The following CDKL5 variants were observed in gnomAD, a reference collection of about 807,000 sequenced individuals.
The protein encoded by CDKL5 is cyclin-dependent kinase-like 5.
In CDKL5, 8 loss-of-function variants were observed where a neutral mutation model predicts 61.7. The ratio of observed to expected loss-of-function variants is 0.13; its 90% CI spans 0.08 to 0.23. The LOEUF is 0.23. Among genes scored for constraint, CDKL5 ranks in the 10% least tolerant of loss-of-function variants. The pLI, the probability that CDKL5 is intolerant of heterozygous loss-of-function variation, is 1.00. For missense variants in CDKL5, 440 were observed against 734.5 expected (o/e 0.60, Z 4.63); for synonymous variants, 275 against 272.3 (o/e 1.01, Z -0.10).
At chrX:18,610,558 GCA>G (rs1412394248) in intron 14 of CDKL5, among the ~76,000 whole-genome samples, 2 of 112,314 alleles carry the variant, frequency 1.8e-5, no homozygotes, top group East Asian at 5.6e-4. Context: ...ACACTGCCTC[GCA>G]CAGTTTCATA....
At chrX:18,586,164 T>A (rs779118380) in intron 8 of CDKL5, among the ~76,000 whole-genome samples, 1 of 111,923 alleles carries the variant, frequency 8.9e-6, no homozygotes, top group South Asian at 3.7e-4. Flanking sequence ...TCTTCCATTG[T>A]GTAGGCAGAG....
Position 18,632,776 on chromosome X carries a change from T to C in CDKL5, c.*4019T>C. On this transcript the variant is annotated 3_prime_UTR_variant, in exon 18 of 18. Coordinates refer to ENST00000623535, the MANE Select transcript of CDKL5 (RefSeq NM_001323289.2). ...AGCATGTTCCTAATCTGAGAATTAG[T>C]GGACTATACTAGGAAATGCTATCCC... The C allele has an allele frequency of 1.3e-6, 1 of 753,550 alleles. No homozygotes were observed. The highest frequency in any genetic ancestry group is 7.6e-4 in the Middle Eastern group (1 of 1,320). The allele number at this position is 753,550 out of a possible 1,213,427, so 62.1% of individuals were successfully genotyped here.
chrX:18,621,471 A>G (rs1926886898), intron 16 of CDKL5, among the ~76,000 whole-genome samples: 1 of 111,782 alleles, frequency 8.9e-6, no homozygotes. Context: ...TACCACAACT[A>G]GTATTAGGAT....
At chrX:18,603,835 T>C (rs1279326116) in intron 11 of CDKL5, 67 bp from the exon 12 acceptor site, 71 of 1,142,928 alleles carry the variant, frequency 6.2e-5, no homozygotes, top group Non-Finnish European at 8.2e-5. Flanking sequence ...GTTCTTTCTT[T>C]TTAACAATAC....
At chrX:18,620,052 GTTGA>G (rs1481073129) in intron 16 of CDKL5, 86 bp downstream of exon 16, 1 of 587,261 alleles carries the variant, frequency 1.7e-6, no homozygotes, top group Non-Finnish European at 2.8e-6. Context: ...GGCAATCAAA[GTTGA>G]TTGTTTTCTT....
chrX:18,642,073 G>A (rs1800003), downstream of CDKL5: 1 of 1,211,507 alleles, frequency 8.3e-7, no homozygotes, highest in Non-Finnish European at 1.1e-6. Context: ...AGCCCAGCGG[G>A]ATGAGGCGGA....
chrX:18,542,399 G>C (rs1360497882), intron 3 of CDKL5, among the ~76,000 whole-genome samples: 2 of 112,042 alleles, frequency 1.8e-5, no homozygotes, highest in Non-Finnish European at 3.8e-5. Flanking sequence ...GGCTGGGGTA[G>C]AGTAGTTATT....
At chrX:18,562,613 T>C (rs146725271) in intron 3 of CDKL5, among the ~76,000 whole-genome samples, 19 of 112,380 alleles carry the variant, frequency 1.7e-4, no homozygotes, top group Non-Finnish European at 3.6e-4. Flanking sequence ...TTTATATTAT[T>C]TTTATAAGCA....
chrX:18,449,994 C>T (rs973294184), intron 1 of CDKL5, among the ~76,000 whole-genome samples: 2 of 111,748 alleles, frequency 1.8e-5, no homozygotes, highest in East Asian at 5.7e-4. Flanking sequence ...GGGGTTTCAC[C>T]ATGTTGGCCA....
rs745969938 is a variant in CDKL5 at position 18,564,526 on chromosome X, GATATAT to G, written c.145+23_145+28del. 224 of 604,996 alleles carry G rather than the reference GATATAT, an allele frequency of 3.7e-4. No homozygotes were observed. The highest frequency in any genetic ancestry group is 6.8e-4 in the East Asian group (15 of 22,150). The allele number at this position is 604,996 out of a possible 1,213,427, so 49.9% of individuals were successfully genotyped here. A position where few individuals can be genotyped will look rare whatever the true frequency, so the allele number is the denominator to read the frequency against. On this transcript the variant is annotated splice_donor_5th_base_variant and intron_variant, in intron 4 of 17. Transcript: ENST00000623535. ...AAGAAATTCAAGGACAGTGAAGGTA[GATATAT>G]ATATATATATATATATATCTGTATA...
At chrX:18,522,560 G>T (rs1683539484) in intron 3 of CDKL5, among the ~76,000 whole-genome samples, 1 of 108,021 alleles carries the variant, frequency 9.3e-6, no homozygotes, top group Admixed American at 1.0e-4. Context: ...GGCCAGGCTG[G>T]TCTCAAACTC....
intron 1 of CDKL5, among the ~76,000 whole-genome samples, chrX:18,450,754 T>C (rs1931994865): frequency 9.0e-6 from 1 of 111,245 alleles, no homozygotes; most frequent in Non-Finnish European, 1.9e-5. Context: ...CTTGCATTTT[T>C]AGTAGAGATG....
At chrX:18,564,354 T>G in intron 3 of CDKL5, 123 bp from the exon 4 acceptor site, 1 of 371,480 alleles carries the variant, frequency 2.7e-6, no homozygotes, top group Non-Finnish European at 5.0e-6. Flanking sequence ...GAGAGGAAGA[T>G]GATATATTTT....
At chrX:18,433,990 G>A (rs1300051397) in intron 1 of CDKL5, among the ~76,000 whole-genome samples, 2 of 112,165 alleles carry the variant, frequency 1.8e-5, no homozygotes, top group Non-Finnish European at 3.8e-5. Context: ...GTCTACTTCA[G>A]ACTGGATTGT....
chrX:18,625,403 C>T lies in CDKL5; in HGVS notation c.2496+156C>T, dbSNP rs138252412. On this transcript the variant is annotated intron_variant, in intron 17 of 17. Transcript: ENST00000623535. Reference sequence around the variant, plus strand: ...CCCTCAGTTATAGCCAGATGCATCTCGTGAGCCAGGATGAATCTTGCTTCA... The same window carrying T: ...CCCTCAGTTATAGCCAGATGCATCTTGTGAGCCAGGATGAATCTTGCTTCA... 4.4e-3 allele frequency among the ~76,000 whole-genome samples: 487 copies of T among 111,242 alleles called. 2 individuals carry two copies. The Middle Eastern group carries it at 0.046, about 11-fold the overall frequency.
intron 1 of CDKL5, among the ~76,000 whole-genome samples, chrX:18,483,812 T>A (rs192045524): frequency 0.028 from 3,171 of 111,659 alleles, 69 homozygotes; most frequent in Non-Finnish European, 0.044. Context: ...TTAAAAAAAA[T>A]TTTTATGTTA....
chrX:18,523,093 G>A (rs1469598309), intron 3 of CDKL5, among the ~76,000 whole-genome samples: 4 of 111,334 alleles, frequency 3.6e-5, no homozygotes, highest in Non-Finnish European at 7.5e-5. Flanking sequence ...ACCACACCCG[G>A]CCCCAGTTTA....
chrX:18,579,229 T>C (rs1189655985), intron 5 of CDKL5, among the ~76,000 whole-genome samples: 1 of 111,855 alleles, frequency 8.9e-6, no homozygotes, highest in Non-Finnish European at 1.9e-5. Flanking sequence ...GTGGAATTTC[T>C]ACATAATAAA....
At chrX:18,449,099 C>A (rs1016728888) in intron 1 of CDKL5, among the ~76,000 whole-genome samples, 3 of 112,048 alleles carry the variant, frequency 2.7e-5, no homozygotes, top group Non-Finnish European at 5.6e-5. Context: ...TCATGACCCA[C>A]CCGCCTTGGC....
Sources: gnomAD v4.1 joint callset for allele counts (sites outside exome capture counted in the v4.1 genomes callset) on GRCh38, gnomAD v4.1.1 for gene constraint, MANE v1.5 for transcripts, NCBI Gene and HGNC (gene_info 2026-07-23, HGNC 2026-07-21) for gene names.